The following GBF1 variants were observed in gnomAD, a reference collection of about 807,000 sequenced individuals.
GBF1 encodes golgi brefeldin A resistant guanine nucleotide exchange factor 1.
GBF1 carries 114 observed loss-of-function variants against 210.5 expected under a neutral mutation model. The observed-to-expected ratio is 0.54, with a 90% CI of 0.47 to 0.63. GBF1 has a LOEUF of 0.63. Ranked by LOEUF, GBF1 falls within the 30% of genes least tolerant of loss-of-function variation. The pLI, the probability that GBF1 is intolerant of heterozygous loss-of-function variation, is 0.00. For missense variants in GBF1, 1,851 were observed against 2,357.7 expected, an observed-to-expected ratio of 0.79 and a Z score of 4.45; for synonymous variants, 850 against 889.2, an observed-to-expected ratio of 0.96 and a Z score of 0.78.
At chr10:102,338,459 A>T (rs2057931716) in intron 3 of GBF1, among the ~76,000 whole-genome samples, 1 of 151,548 alleles carries the variant, frequency 6.6e-6, no homozygotes, top group Non-Finnish European at 1.5e-5. Flanking sequence ...GGCCAGGCTG[A>T]TCTGAAACTC....
At position 102,379,840 on chromosome 10, in the gene GBF1, T is replaced by A; in HGVS notation, c.4777-13T>A. ...AACCTCATAGGGAGACATTGCACAT[T>A]TACCCCCACCAGGTGCTGTTTCCTC... On this transcript the variant is annotated splice_polypyrimidine_tract_variant and intron_variant, in intron 35 of 39. Coordinates refer to ENST00000369983, the MANE Select transcript of GBF1 (RefSeq NM_001377137.1). The A allele has an allele frequency of 6.3e-7, 1 of 1,596,838 alleles. No homozygotes were observed. Among genetic ancestry groups the A allele is most frequent in the Non-Finnish European group, 8.6e-7 (1 of 1,164,664 alleles).
chr10:102,358,484 C>A, intron 9 of GBF1, 22 bp from the exon 10 acceptor site: 1 of 1,541,694 alleles, frequency 6.5e-7, no homozygotes, highest in Non-Finnish European at 9.0e-7. Context: ...CTCCTTCAAG[C>A]GTCACATACT....
At chr10:102,282,419 T>G (rs1269449462) in intron 3 of GBF1, among the ~76,000 whole-genome samples, 1 of 152,184 alleles carries the variant, frequency 6.6e-6, no homozygotes, top group African/African-American at 2.4e-5. Flanking sequence ...ATTTATTTGC[T>G]TTTCACGTGA....
At chr10:102,276,885 T>G (rs886612009) in intron 3 of GBF1, among the ~76,000 whole-genome samples, 1 of 152,120 alleles carries the variant, frequency 6.6e-6, no homozygotes, top group African/African-American at 2.4e-5. Flanking sequence ...GATGGTGAAT[T>G]TTCTTGAATT....
At chr10:102,370,674 T>G in intron 28 of GBF1, 33 bp from the exon 29 acceptor site, 2 of 1,609,294 alleles carry the variant, frequency 1.2e-6, no homozygotes, top group Non-Finnish European at 1.7e-6. Context: ...CCCCTCTGGC[T>G]GAGACTATCT....
intron 3 of GBF1, among the ~76,000 whole-genome samples, chr10:102,264,820 G>T (rs922827116): frequency 6.6e-6 from 1 of 152,200 alleles, no homozygotes; most frequent in East Asian, 1.9e-4. Flanking sequence ...TTCTCAGAGC[G>T]GGTGGGTAGT....
intron 3 of GBF1, among the ~76,000 whole-genome samples, chr10:102,328,583 T>G (rs557545375): frequency 5.8e-4 from 89 of 152,296 alleles, no homozygotes; most frequent in African/African-American, 2.0e-3. Context: ...GGGAAAACAT[T>G]AACTCTGTAC....
At chr10:102,328,586 C>T (rs1388209831) in intron 3 of GBF1, among the ~76,000 whole-genome samples, 1 of 152,160 alleles carries the variant, frequency 6.6e-6, no homozygotes, top group African/African-American at 2.4e-5. Context: ...AAAACATTAA[C>T]TCTGTACTCT....
chr10:102,331,807 C>T (rs2057352665), intron 3 of GBF1, among the ~76,000 whole-genome samples: 1 of 150,892 alleles, frequency 6.6e-6, no homozygotes. Flanking sequence ...ACGTCAGCCT[C>T]CCTAGTAGTT....
In GBF1 at chr10:102,359,361, A is replaced by ACTCTGC. The variant is rs1212650757; in HGVS notation, c.1112_1117dup (p.Ala371_Ser372dup). 1.2e-6 allele frequency: 2 copies of ACTCTGC among 1,612,872 alleles called. No individual in the cohort carries two copies. Among genetic ancestry groups the ACTCTGC allele is most frequent in the South Asian group, 1.1e-5 (1 of 91,048 alleles). On this transcript the variant is annotated inframe_insertion, in exon 11 of 40. Transcript: ENST00000369983. ...TGCACGTCCCCTGCCGACCACTCTG[A>ACTCTGC]CTCTGCCTCTGTCCATGACATGGAT...
rs2059050380 is a variant in GBF1, at chr10:102,352,454, G to C, written c.524-4G>C. The C allele has an allele frequency of 6.2e-7, 1 of 1,602,778 alleles. No individual in the cohort carries two copies. Among genetic ancestry groups the C allele is most frequent in the Admixed American group, 1.7e-5 (1 of 60,000 alleles). On this transcript the variant is annotated splice_region_variant and splice_polypyrimidine_tract_variant and intron_variant, in intron 6 of 39. Transcript: ENST00000369983. ...ACCTGTGTTATTTGTTTTTGCCTGT[G>C]CAGAGTTATTGAGAAAATCCGCAGA...
At chr10:102,331,963 G>A (rs191311252) in intron 3 of GBF1, among the ~76,000 whole-genome samples, 83 of 147,870 alleles carry the variant, frequency 5.6e-4, no homozygotes, top group African/African-American at 1.8e-3. Flanking sequence ...GGGTTCAAGC[G>A]ATTCTTCTGC....
intron 28 of GBF1, 106 bp downstream of exon 28, chr10:102,370,584 A>G: frequency 7.7e-7 from 1 of 1,293,222 alleles, no homozygotes; most frequent in Non-Finnish European, 1.1e-6. Context: ...AGCAGGGGAG[A>G]AGCTTACTCA....
At chr10:102,269,888 T>C (rs1212109477) in intron 3 of GBF1, among the ~76,000 whole-genome samples, 1 of 152,010 alleles carries the variant, frequency 6.6e-6, no homozygotes, top group Non-Finnish European at 1.5e-5. Flanking sequence ...CAATTTTTTT[T>C]TTTTTTTTGA....
chr10:102,233,569 G>T, the GBF1 span, among the ~76,000 whole-genome samples: 1 of 152,046 alleles, frequency 6.6e-6, no homozygotes, highest in Non-Finnish European at 1.5e-5. Context: ...CTCCCAAAGT[G>T]CTGGAATTAC....
chr10:102,301,723 C>T (rs1224700558), intron 3 of GBF1, among the ~76,000 whole-genome samples: 2 of 145,866 alleles, frequency 1.4e-5, no homozygotes, highest in South Asian at 2.2e-4. Flanking sequence ...TGGGCAGAGA[C>T]GCTCCTCACT....
chr10:102,230,801 T>C, the GBF1 span: 4 of 1,551,806 alleles, frequency 2.6e-6, no homozygotes, highest in Non-Finnish European at 2.6e-6. Context: ...CCTGGCACGG[T>C]GCCCGGGGCA....
rs532422446 is a variant in GBF1 at position 102,369,590 on chromosome 10, A to G, written c.3151-121A>G. On this transcript the variant is annotated intron_variant, in intron 24 of 39. Coordinates refer to ENST00000369983, the MANE Select transcript of GBF1 (RefSeq NM_001377137.1). ...TGGTAGATGCCATTGCCAGTCACCAATTGGCACAATAGCATAGGGGCAGAA... is the reference window on the plus strand; with the variant it reads ...TGGTAGATGCCATTGCCAGTCACCAGTTGGCACAATAGCATAGGGGCAGAA... 62 of 981,462 alleles carry G rather than the reference A, an allele frequency of 6.3e-5. 1 individual carries two copies. In the South Asian group the frequency reaches 8.4e-4, roughly 13 times the overall value. The allele number at this position is 981,462 out of a possible 1,614,324, so 60.8% of individuals were successfully genotyped here.
chr10:102,258,774 CAA>C (rs74634439), intron 1 of GBF1, among the ~76,000 whole-genome samples, 153 bp from the exon 2 acceptor site: 9 of 79,712 alleles, frequency 1.1e-4, no homozygotes, highest in Non-Finnish European at 1.4e-4. Flanking sequence ...AACTCTGCCT[CAA>C]AAAAAAAAAA....
Sources: gnomAD v4.1 joint callset for allele counts (sites outside exome capture counted in the v4.1 genomes callset) on GRCh38, gnomAD v4.1.1 for gene constraint, MANE v1.5 for transcripts, NCBI Gene and HGNC (gene_info 2026-07-23, HGNC 2026-07-21) for gene names.